NR3C2: variants seen among roughly 807,000 people sequenced by gnomAD.
The protein encoded by NR3C2 is mineralocorticoid receptor.
In NR3C2, 15 loss-of-function variants were observed where a neutral mutation model predicts 86.4. The observed-to-expected ratio is 0.17, with a 90% CI of 0.12 to 0.27. The LOEUF (loss-of-function observed/expected upper bound fraction) is 0.27. Ranked by LOEUF, NR3C2 falls within the 10% of genes least tolerant of loss-of-function variation. The pLI, the probability that NR3C2 is intolerant of heterozygous loss-of-function variation, is 1.00. For synonymous variants in NR3C2, 458 were observed against 450.5 expected (o/e 1.02, Z -0.21); for missense variants, 960 against 1,195.6 (o/e 0.80, Z 2.91).
chr4:148,391,916 G>T lies in NR3C2; in HGVS notation c.1757+43188C>A, dbSNP rs147464456. ...AATGTCTCCTTCACTAGAGACTTGA[G>T]AATTTTTTATACAATAAATCATTAC... is the stretch of plus-strand genomic sequence containing the variant. On this transcript the variant is annotated intron_variant, in intron 2 of 8. Coordinates refer to ENST00000358102, the MANE Select transcript of NR3C2 (RefSeq NM_000901.5). Among the ~76,000 whole-genome samples, 32 of 145,994 alleles carry T rather than the reference G, an allele frequency of 2.2e-4. No individual in the cohort carries two copies. The East Asian group carries it at 6.4e-3, about 29-fold the overall frequency.
At chr4:148,085,979 GTAAT>G (rs1476971924) in intron 8 of NR3C2, among the ~76,000 whole-genome samples, 9 of 152,174 alleles carry the variant, frequency 5.9e-5, no homozygotes, top group Non-Finnish European at 2.9e-5. Flanking sequence ...AAATTGGGCA[GTAAT>G]TAATAGCCTA....
chr4:148,161,618 A>G (rs971211570), intron 4 of NR3C2, among the ~76,000 whole-genome samples: 1 of 152,110 alleles, frequency 6.6e-6, no homozygotes, highest in Non-Finnish European at 1.5e-5. Context: ...GGCCTCATAT[A>G]TTACATTTTA....
chr4:148,371,619 G>GAA (rs57980467), intron 2 of NR3C2, among the ~76,000 whole-genome samples: 14 of 145,148 alleles, frequency 9.6e-5, no homozygotes, highest in Middle Eastern at 3.6e-3. Flanking sequence ...CACTAGAAGA[G>GAA]AAAAAAAAAA....
At chr4:148,205,712 C>A (rs917561240) in intron 3 of NR3C2, among the ~76,000 whole-genome samples, 1 of 152,116 alleles carries the variant, frequency 6.6e-6, no homozygotes, top group Non-Finnish European at 1.5e-5. Context: ...GGGGCAAGAA[C>A]GGCACATGAA....
intron 2 of NR3C2, among the ~76,000 whole-genome samples, chr4:148,397,317 T>C (rs1004676364): frequency 6.6e-6 from 1 of 152,222 alleles, no homozygotes; most frequent in African/African-American, 2.4e-5. Context: ...GACTGTCCTT[T>C]CATCGTGGCT....
intron 2 of NR3C2, among the ~76,000 whole-genome samples, chr4:148,376,396 T>C (rs1746682643): frequency 6.6e-6 from 1 of 152,184 alleles, no homozygotes; most frequent in Non-Finnish European, 1.5e-5. Context: ...GGGCTCAGTG[T>C]AGTGCTGCTG....
At chr4:148,266,923 T>A (rs557610607) in intron 2 of NR3C2, among the ~76,000 whole-genome samples, 7 of 152,228 alleles carry the variant, frequency 4.6e-5, no homozygotes, top group Non-Finnish European at 8.8e-5. Context: ...ATGGCGACAC[T>A]ATTAACTGAT....
intron 4 of NR3C2, among the ~76,000 whole-genome samples, chr4:148,161,226 C>T (rs1255652209): frequency 6.6e-6 from 1 of 152,148 alleles, no homozygotes; most frequent in Admixed American, 6.5e-5. Flanking sequence ...TCAGATTAAT[C>T]TACATAATTT....
At chr4:148,417,596 GAAAGTT>G (rs1244291587) in intron 2 of NR3C2, among the ~76,000 whole-genome samples, 1 of 152,208 alleles carries the variant, frequency 6.6e-6, no homozygotes, top group Non-Finnish European at 1.5e-5. Flanking sequence ...CAATCTGAGA[GAAAGTT>G]ATAATCTAAG....
At chr4:148,187,757 A>G (rs1373919681) in intron 4 of NR3C2, among the ~76,000 whole-genome samples, 1 of 152,042 alleles carries the variant, frequency 6.6e-6, no homozygotes, top group Non-Finnish European at 1.5e-5. Flanking sequence ...TTTTTATTGC[A>G]TTTGCTTTTG....
chr4:148,253,259 T>C (rs1210919829), intron 3 of NR3C2, among the ~76,000 whole-genome samples: 1 of 152,162 alleles, frequency 6.6e-6, no homozygotes, highest in East Asian at 1.9e-4. Context: ...TCCCTCAATA[T>C]CATGTTTGGT....
Position 148,284,348 on chromosome 4 carries a change from A to C in NR3C2, c.1758-24231T>G, listed in dbSNP as rs533642989. Among the ~76,000 whole-genome samples the C allele has an allele frequency of 3.9e-5, 6 of 152,164 alleles. No individual in the cohort carries two copies. In the East Asian group the frequency reaches 1.2e-3, roughly 30 times the overall value. ...TCTTCTAATTTTTGAGTCTCCAGCA[A>C]AAGGGGTATCATATATTAATACTCA... On this transcript the variant is annotated intron_variant, in intron 2 of 8. Transcript: ENST00000358102.
At chr4:148,159,719 TTTAAGA>T (rs2149773366) in intron 4 of NR3C2, among the ~76,000 whole-genome samples, 1 of 152,362 alleles carries the variant, frequency 6.6e-6, no homozygotes, top group East Asian at 1.9e-4. Context: ...ATTTTTATAC[TTTAAGA>T]TTAGCTAGCA....
At chr4:148,130,407 C>T (rs1452264069) in intron 6 of NR3C2, among the ~76,000 whole-genome samples, 1 of 152,160 alleles carries the variant, frequency 6.6e-6, no homozygotes, top group Non-Finnish European at 1.5e-5. Context: ...CTGAACTGTA[C>T]CTTGTCAACT....
chr4:148,438,769 G>A (rs1043952577), intron 1 of NR3C2, among the ~76,000 whole-genome samples: 5 of 151,260 alleles, frequency 3.3e-5, no homozygotes, highest in African/African-American at 9.7e-5. Flanking sequence ...TGTCCAAATT[G>A]TCCAAGTATT....
chr4:148,272,082 C>T (rs1740711711), intron 2 of NR3C2, among the ~76,000 whole-genome samples: 1 of 152,180 alleles, frequency 6.6e-6, no homozygotes, highest in Non-Finnish European at 1.5e-5. Context: ...AGGCACTGTT[C>T]TAGGTCTCTT....
rs34170216 is a variant in NR3C2 at position 148,274,705 on chromosome 4, CTTTTTTTTTTTTT to C, written c.1758-14601_1758-14589del. ...ATTATCCAGTCTCAGGTAGTTTTTT[CTTTTTTTTTTTTT>C]TTTTGAGATGGAGTTTCACTCCAGG... On this transcript the variant is annotated intron_variant, in intron 2 of 8. Coordinates refer to ENST00000358102, the MANE Select transcript of NR3C2 (RefSeq NM_000901.5). 2.2e-3 allele frequency among the ~76,000 whole-genome samples: 279 copies of C among 129,224 alleles called. 5 individuals carry two copies. The East Asian group carries it at 0.054, about 25-fold the overall frequency. The allele number at this position is 129,224 out of a possible 152,430, so 84.8% of individuals were successfully genotyped here. A position where few individuals can be genotyped will look rare whatever the true frequency, so the allele number is the denominator to read the frequency against.
chr4:148,119,513 G>A (rs1224093083), intron 7 of NR3C2, among the ~76,000 whole-genome samples: 1 of 152,062 alleles, frequency 6.6e-6, no homozygotes, highest in Non-Finnish European at 1.5e-5. Flanking sequence ...GATATCTTTG[G>A]CCAGGCGTGG....
chr4:148,095,976 T>C lies in NR3C2; in HGVS notation c.2800-14477A>G, dbSNP rs577159277. On this transcript the variant is annotated intron_variant, in intron 8 of 8. Transcript: ENST00000358102. ...CCAATCACTGATCTCTGGTCAGGGG[T>C]GAATATTAAATCCTTAAATCATGTT... Among the ~76,000 whole-genome samples the C allele has an allele frequency of 2.0e-5, 3 of 152,322 alleles. No individual in the cohort carries two copies. In the East Asian group the frequency reaches 5.8e-4, roughly 29 times the overall value.
Sources: gnomAD v4.1 joint callset for allele counts (sites outside exome capture counted in the v4.1 genomes callset) on GRCh38, gnomAD v4.1.1 for gene constraint, MANE v1.5 for transcripts, NCBI Gene and HGNC (gene_info 2026-07-23, HGNC 2026-07-21) for gene names.